Variants in TBC1D1 observed in about 807,000 individuals in gnomAD.
TBC1D1 encodes TBC1 (tre-2/USP6, BUB2, cdc16) domain family, member 1.
TBC1D1 carries 89 observed loss-of-function variants against 125.6 expected under a neutral mutation model. The observed-to-expected ratio is 0.71, with a 90% CI of 0.60 to 0.85. The LOEUF is 0.85. Ranked by LOEUF, TBC1D1 falls within the 40% of genes least tolerant of loss-of-function variation. The pLI, the probability that TBC1D1 is intolerant of heterozygous loss-of-function variation, is 0.00. For synonymous variants in TBC1D1, 565 were observed against 564.1 expected (o/e 1.00, Z -0.02); for missense variants, 1,377 against 1,469.2 (o/e 0.94, Z 1.03).
intron 2 of TBC1D1, among the ~76,000 whole-genome samples, chr4:37,962,311 A>G (rs1312268953): frequency 6.6e-6 from 1 of 152,240 alleles, no homozygotes. Flanking sequence ...TGTAAATGGT[A>G]GGGCCTCATT....
chr4:37,950,185 C>T (rs1014644328), intron 2 of TBC1D1, among the ~76,000 whole-genome samples: 2 of 152,200 alleles, frequency 1.3e-5, no homozygotes, highest in South Asian at 4.1e-4. Context: ...GAGGCTGTGG[C>T]GTGAGTCTGA....
chr4:37,954,037 A>C (rs1003466625), intron 2 of TBC1D1, among the ~76,000 whole-genome samples: 3 of 152,202 alleles, frequency 2.0e-5, no homozygotes, highest in Non-Finnish European at 4.4e-5. Context: ...ATACTTAGAT[A>C]TCTCACAGAA....
chr4:38,042,732 A>G (rs1209171698), intron 8 of TBC1D1, among the ~76,000 whole-genome samples: 1 of 152,142 alleles, frequency 6.6e-6, no homozygotes, highest in Non-Finnish European at 1.5e-5. Context: ...TGGGCATTGC[A>G]CTCCAGAGCT....
At chr4:38,089,581 G>A (rs1758089045) in intron 12 of TBC1D1, among the ~76,000 whole-genome samples, 1 of 152,162 alleles carries the variant, frequency 6.6e-6, no homozygotes, top group Non-Finnish European at 1.5e-5. Flanking sequence ...ATAAAGCTCT[G>A]AGAACAGTTT....
chr4:38,127,576 G>A (rs1560273528), intron 18 of TBC1D1, among the ~76,000 whole-genome samples: 1 of 152,038 alleles, frequency 6.6e-6, no homozygotes, highest in Non-Finnish European at 1.5e-5. Context: ...TAGAGGTGGG[G>A]TTTCGCCATG....
At chr4:37,980,160 G>C (rs942503973) in intron 2 of TBC1D1, among the ~76,000 whole-genome samples, 2 of 152,128 alleles carry the variant, frequency 1.3e-5, no homozygotes, top group Non-Finnish European at 2.9e-5. Context: ...TCATGATGTA[G>C]GAATAAAGCC....
intron 10 of TBC1D1, among the ~76,000 whole-genome samples, chr4:38,047,208 ACTTC>A (rs919144147): frequency 1.3e-5 from 2 of 152,322 alleles, no homozygotes; most frequent in African/African-American, 4.8e-5. Flanking sequence ...TTTGAGAAAC[ACTTC>A]CTTAGATGGA....
intron 18 of TBC1D1, among the ~76,000 whole-genome samples, chr4:38,126,300 A>G (rs1323348081): frequency 1.3e-5 from 2 of 152,270 alleles, no homozygotes; most frequent in African/African-American, 2.4e-5. Context: ...GTAATGCAAC[A>G]CACAACTGTG....
At position 38,049,911 on chromosome 4, in the gene TBC1D1, T is replaced by C. The variant is rs770067360; in HGVS notation, c.1910+13T>C. On this transcript the variant is annotated intron_variant, in intron 11 of 19. Coordinates refer to ENST00000261439, the MANE Select transcript of TBC1D1 (RefSeq NM_015173.4). ...CTCATGAACGAAAGTAAGATTTGTT[T>C]AAATTTGTTGCATAAATAGCTGGGG... The C allele has an allele frequency of 9.4e-6, 15 of 1,602,614 alleles. No homozygotes were observed. In the South Asian group the frequency reaches 1.6e-4, roughly 17 times the overall value.
In TBC1D1 at chr4:38,096,062, G is replaced by A. The variant is rs1416342317; in HGVS notation, c.2370G>A (p.Met790Ile). 6.2e-7 allele frequency: 1 copy of A among 1,613,114 alleles called. No homozygotes were observed. Among genetic ancestry groups the A allele is most frequent in the Non-Finnish European group, 8.5e-7 (1 of 1,179,506 alleles). ...GAAGATCAAAAATTAAGTTTGACAT[G>A]GAAAAAATGCACTCGGCTGTTGGGC... The change falls in exon 14 of 20, where the codon ATG becomes ATA. Residue 790 changes from methionine to isoleucine, a missense_variant. Transcript: ENST00000261439.
At position 38,085,989 on chromosome 4, in the gene TBC1D1, T is replaced by G. The variant is rs533625351; in HGVS notation, c.2051-3943T>G. On this transcript the variant is annotated intron_variant, in intron 12 of 19. Transcript: ENST00000261439. ...AAAGCCTTGTGCCCAGTCTGGATCT[T>G]TTTGCATTGTTGAGAAAGCAGCTTA... Among the ~76,000 whole-genome samples the G allele has an allele frequency of 8.5e-5, 13 of 152,272 alleles. 1 individual carries two copies. The South Asian group carries it at 2.7e-3, about 32-fold the overall frequency.
intron 1 of TBC1D1, among the ~76,000 whole-genome samples, chr4:37,892,557 T>C (rs1220664996): frequency 1.3e-5 from 2 of 152,148 alleles, no homozygotes; most frequent in South Asian, 2.1e-4. Context: ...TAAAATAATT[T>C]CTTTCCTGTG....
intron 2 of TBC1D1, among the ~76,000 whole-genome samples, chr4:37,962,924 T>C (rs975816168): frequency 2.0e-5 from 3 of 152,210 alleles, no homozygotes; most frequent in Non-Finnish European, 4.4e-5. Flanking sequence ...CCCACGGAAA[T>C]AGTATACAGC....
chr4:38,052,712 ACGCGCGCGCG>A lies in TBC1D1; in HGVS notation c.1911-1479_1911-1470del, dbSNP rs58267781. ...TACATGCATGCGTATATACACACAC[ACGCGCGCGCG>A]CGCGCGCACACACACACACACACAC... On this transcript the variant is annotated intron_variant, in intron 11 of 19. Coordinates refer to ENST00000261439, the MANE Select transcript of TBC1D1 (RefSeq NM_015173.4). Among the ~76,000 whole-genome samples the A allele has an allele frequency of 3.2e-3, 403 of 125,608 alleles. 2 individuals carry two copies. Among genetic ancestry groups the A allele is most frequent in the African/African-American group, 0.012 (380 of 31,360 alleles). 82.4% of individuals were successfully genotyped at this position (125,608 alleles called of 152,430 possible). A position where few individuals can be genotyped will look rare whatever the true frequency, so the allele number is the denominator to read the frequency against.
chr4:38,026,770 A>G (rs564518293), intron 6 of TBC1D1, among the ~76,000 whole-genome samples: 1 of 152,350 alleles, frequency 6.6e-6, no homozygotes, highest in African/African-American at 2.4e-5. Context: ...TGGGGAAGGA[A>G]CTTCTTGAAA....
chr4:37,966,777 C>G (rs916612868), intron 2 of TBC1D1, among the ~76,000 whole-genome samples: 1 of 152,200 alleles, frequency 6.6e-6, no homozygotes, highest in Non-Finnish European at 1.5e-5. Flanking sequence ...CCCTACCCCC[C>G]AACAGGCCCC....
At chr4:38,006,900 C>A in intron 2 of TBC1D1, 1 of 475,554 alleles carries the variant, frequency 2.1e-6, no homozygotes, top group South Asian at 1.6e-5. Flanking sequence ...CTGCAGAATC[C>A]AAGAAACCAG....
At position 38,049,742 on chromosome 4, in the gene TBC1D1, C is replaced by A; in HGVS notation, c.1754C>A (p.Ser585Ter). ...CTCCCAGAAGAGCCAGCTCCGCTGT[C>A]GCCCCAGCAGGCCTTCAGGAGGCGA... Residue 585 changes from serine (S) to a stop codon, truncating the protein, a stop_gained, in exon 11 of 20, where the codon TCG becomes TAG. Transcript: ENST00000261439. LOFTEE classifies it high-confidence loss of function. The A allele has an allele frequency of 1.2e-6, 2 of 1,614,126 alleles. No homozygotes were observed. The highest frequency in any genetic ancestry group is 1.7e-6 in the Non-Finnish European group (2 of 1,180,024).
rs62299971 is a variant in TBC1D1 at position 38,021,560 on chromosome 4, C to T, written c.1078-26C>T. ...TAATTTCAAATTGACTTTTTGGTGA[C>T]TACAACTTCTCTTCTCTTTGATTAG... On this transcript the variant is annotated intron_variant, in intron 5 of 19. Transcript: ENST00000261439. The T allele has an allele frequency of 7.6e-3, 11,267 of 1,485,876 alleles. 60 individuals are homozygous for T. The highest frequency in any genetic ancestry group is 0.01 in the Middle Eastern group (41 of 4,008). The allele number at this position is 1,485,876 out of a possible 1,614,324, so 92.0% of individuals were successfully genotyped here. A position where few individuals can be genotyped will look rare whatever the true frequency, so the allele number is the denominator to read the frequency against.
Sources: gnomAD v4.1 joint callset for allele counts (sites outside exome capture counted in the v4.1 genomes callset) on GRCh38, gnomAD v4.1.1 for gene constraint, MANE v1.5 for transcripts, NCBI Gene and HGNC (gene_info 2026-07-23, HGNC 2026-07-21) for gene names.